SERBP1: variants seen among roughly 807,000 people sequenced by gnomAD.
SERBP1 encodes the protein SERPINE1 mRNA binding protein 1.
Under a neutral mutation model 50.2 loss-of-function variants are expected in SERBP1, and 6 were observed. The observed-to-expected ratio is 0.12, with a 90% CI of 0.07 to 0.24. SERBP1 has a LOEUF of 0.24. Among genes scored for constraint, SERBP1 ranks in the 10% least tolerant of loss-of-function variants. SERBP1 has a pLI of 1.00. For missense variants in SERBP1, 346 were observed against 524.9 expected (o/e 0.66, Z 3.33); for synonymous variants, 168 against 182.8 (o/e 0.92, Z 0.65).
chr1:67,415,200 C>T lies in SERBP1; in HGVS notation c.1091G>A (p.Gly364Asp). 1 of 1,606,384 alleles carries T rather than the reference C, an allele frequency of 6.2e-7. No homozygotes were observed. The highest frequency in any genetic ancestry group is 8.5e-7 in the Non-Finnish European group (1 of 1,177,366). Residue 364 changes from glycine (G) to aspartate (D), a missense_variant, in exon 7 of 8, where the codon GGT (glycine) becomes GAT (aspartate). Around this residue, in one of 5 missense-constraint regions of SERBP1, gnomAD observed 68 missense variants for 97.3 expected, o/e 0.70. Coordinates refer to ENST00000361219, the MANE Select transcript of SERBP1 (RefSeq NM_001018069.2). ...CCTGCTGCCACGGTTTGGGCGCCCACCACGCCCACGTCCACCTCGTCCTCC... is the reference window on the plus strand; with the variant it reads ...CCTGCTGCCACGGTTTGGGCGCCCATCACGCCCACGTCCACCTCGTCCTCC... ...GRGGRGGRGR[G>D]GRPNRGSRTD...
At chr1:67,425,979 G>T (rs755002871) in intron 2 of SERBP1, among the ~76,000 whole-genome samples, 156 bp downstream of exon 2, 3 of 152,172 alleles carry the variant, frequency 2.0e-5, no homozygotes, top group Admixed American at 6.5e-5. Context: ...CAGTGTGGTG[G>T]CGTGACCTTG....
At position 67,410,312 on chromosome 1, in the gene SERBP1, T is replaced by C. The variant is rs1277649124; in HGVS notation, c.*2895A>G. The C allele has an allele frequency of 6.6e-6, 1 of 152,190 alleles. No individual in the cohort carries two copies. Among genetic ancestry groups the C allele is most frequent in the East Asian group, 1.9e-4 (1 of 5,198 alleles). The allele number at this position is 152,190 out of a possible 1,614,324, so 9.4% of individuals were successfully genotyped here. The stretch of plus-strand genomic sequence containing the variant: ...CATTTAGGCTTTGTATGCAACTCCC[T>C]GTTCTATTTCAGTGCAACCATCTCT... On this transcript the variant is annotated 3_prime_UTR_variant, in exon 8 of 8. Transcript: ENST00000361219.
rs779849801 is a variant in SERBP1 at position 67,426,228 on chromosome 1, A to G, written c.371T>C (p.Ile124Thr). Residue 124 changes from isoleucine to threonine, a missense_variant, in exon 2 of 8, where the codon ATT (isoleucine) becomes ACT (threonine). Physicochemically the swap from Ile to Thr is moderately conservative, Grantham distance 89 (BLOSUM62 -1). Around this residue, in one of 5 missense-constraint regions of SERBP1, gnomAD observed 257 missense variants for 331.2 expected, o/e 0.78. Coordinates refer to ENST00000361219, the MANE Select transcript of SERBP1 (RefSeq NM_001018069.2). ...DQQLQGEGKIIDRRPERRPPR... is the reference protein window; with the variant it reads ...DQQLQGEGKITDRRPERRPPR... ...TGGTCGCCTTTCTGGTCTTCTATCA[A>G]TTATTTTCCCTTCACCCTGAAGTTG... 9.9e-6 allele frequency: 16 copies of G among 1,609,974 alleles called. No individual in the cohort carries two copies. The highest frequency in any genetic ancestry group is 1.7e-5 in the Admixed American group (1 of 59,236).
intron 1 of SERBP1, among the ~76,000 whole-genome samples, chr1:67,426,842 C>A (rs1274257001): frequency 2.0e-5 from 3 of 151,980 alleles, no homozygotes; most frequent in African/African-American, 7.3e-5. Flanking sequence ...ACTCATAATT[C>A]TATAAAATTA....
At position 67,409,523 on chromosome 1, in the gene SERBP1, T is replaced by C. The variant is rs769892546; in HGVS notation, c.*3684A>G. On this transcript the variant is annotated 3_prime_UTR_variant, in exon 8 of 8. Coordinates refer to ENST00000361219, the MANE Select transcript of SERBP1 (RefSeq NM_001018069.2). ...TTTCCAGTGTTCATATTTTCATCTG[T>C]GGCCAAAATCATGATGGCTTTAGCA... 2.0e-5 allele frequency: 3 copies of C among 152,048 alleles called. No homozygotes were observed. Among genetic ancestry groups the C allele is most frequent in the Non-Finnish European group, 4.4e-5 (3 of 68,010 alleles). 9.4% of individuals were successfully genotyped at this position (152,048 alleles called of 1,614,324 possible).
intron 1 of SERBP1, among the ~76,000 whole-genome samples, chr1:67,426,813 A>G (rs1570305912): frequency 6.8e-6 from 1 of 146,760 alleles, no homozygotes; most frequent in East Asian, 1.9e-4. Flanking sequence ...ATCTAATCTG[A>G]AAAAAAAATG....
chr1:67,407,824 C>G lies in SERBP1; in HGVS notation c.*5383G>C, dbSNP rs1666684497. On this transcript the variant is annotated 3_prime_UTR_variant, in exon 8 of 8. Transcript: ENST00000361219. ...AATATACAAAGTTCCCAAAATAAAA[C>G]AAAAATTTACTTGGACGTTATTCAT... The G allele has an allele frequency of 1.3e-5, 2 of 152,270 alleles. 1 individual carries two copies. Among genetic ancestry groups the G allele is most frequent in the South Asian group, 4.1e-4 (2 of 4,826 alleles). The allele number at this position is 152,270 out of a possible 1,614,324, so 9.4% of individuals were successfully genotyped here.
At position 67,410,392 on chromosome 1, in the gene SERBP1, T is replaced by C. The variant is rs893051537; in HGVS notation, c.*2815A>G. The stretch of plus-strand genomic sequence containing the variant: ...GAATACTTAATATCCTCCTTTTAAA[T>C]CCATACCAAAAACAAGCCCCAAATA... On this transcript the variant is annotated 3_prime_UTR_variant, in exon 8 of 8. Transcript: ENST00000361219. The C allele has an allele frequency of 6.6e-6, 1 of 151,918 alleles. No individual in the cohort carries two copies. The highest frequency in any genetic ancestry group is 1.5e-5 in the Non-Finnish European group (1 of 68,002). 9.4% of individuals were successfully genotyped at this position (151,918 alleles called of 1,614,324 possible).
chr1:67,414,662 C>T (rs2100412285), intron 7 of SERBP1, among the ~76,000 whole-genome samples: 1 of 152,296 alleles, frequency 6.6e-6, no homozygotes, highest in Non-Finnish European at 1.5e-5. Context: ...TGAATCCCAG[C>T]TCTCACAGAA....
chr1:67,429,934 C>T, intron 1 of SERBP1, 54 bp downstream of exon 1: 1 of 1,504,820 alleles, frequency 6.6e-7, no homozygotes, highest in South Asian at 1.3e-5. Context: ...AGCCGGCAGC[C>T]CCCTCGCTCC....
chr1:67,424,409 C>T (rs527912406), intron 4 of SERBP1, 132 bp from the exon 5 acceptor site: 8 of 1,157,726 alleles, frequency 6.9e-6, no homozygotes, highest in Non-Finnish European at 9.7e-6. Context: ...TAAGCTCTCA[C>T]ATTCTCTAAC....
chr1:67,413,346 C>T, intron 7 of SERBP1, 83 bp from the exon 8 acceptor site: 1 of 1,280,146 alleles, frequency 7.8e-7, no homozygotes, highest in Non-Finnish European at 1.1e-6. Context: ...TAAGACAGAA[C>T]TCTAAAAAAA....
chr1:67,415,456 C>G (rs1458748121), intron 6 of SERBP1, 117 bp from the exon 7 acceptor site: 2 of 1,002,126 alleles, frequency 2.0e-6, no homozygotes, highest in Non-Finnish European at 1.4e-6. Flanking sequence ...TTTCTGTGAA[C>G]AAATGTCTCA....
At position 67,411,367 on chromosome 1, in the gene SERBP1, C is replaced by G. The variant is rs1666835109; in HGVS notation, c.*1840G>C. ...TACATGTTTGGAAATGAGTTAGATA[C>G]TTGAAAAGTCTAAACACACTGATTT... On this transcript the variant is annotated 3_prime_UTR_variant, in exon 8 of 8. Transcript: ENST00000361219. 2 of 152,186 alleles carry G rather than the reference C, an allele frequency of 1.3e-5. No homozygotes were observed. The highest frequency in any genetic ancestry group is 1.3e-4 in the Admixed American group (2 of 15,280). The allele number at this position is 152,186 out of a possible 1,614,324, so 9.4% of individuals were successfully genotyped here.
In SERBP1 at chr1:67,409,886, A is replaced by G. The variant is rs544691625; in HGVS notation, c.*3321T>C. The G allele has an allele frequency of 6.6e-6, 1 of 152,228 alleles. No homozygotes were observed. Among genetic ancestry groups the G allele is most frequent in the Non-Finnish European group, 1.5e-5 (1 of 68,048 alleles). The allele number at this position is 152,228 out of a possible 1,614,324, so 9.4% of individuals were successfully genotyped here. On this transcript the variant is annotated 3_prime_UTR_variant, in exon 8 of 8. Coordinates refer to ENST00000361219, the MANE Select transcript of SERBP1 (RefSeq NM_001018069.2). ...CCTTGTTACCAGTTATGCCATACAA[A>G]GCACAGTAAATAATGAAGTTTCTGG...
rs1442468226 is a variant in SERBP1 at position 67,411,031 on chromosome 1, T to A, written c.*2176A>T. 1 of 152,194 alleles carries A rather than the reference T, an allele frequency of 6.6e-6. No homozygotes were observed. The highest frequency in any genetic ancestry group is 2.1e-4 in the South Asian group (1 of 4,836). The allele number at this position is 152,194 out of a possible 1,614,324, so 9.4% of individuals were successfully genotyped here. A position where few individuals can be genotyped will look rare whatever the true frequency, so the allele number is the denominator to read the frequency against. On this transcript the variant is annotated 3_prime_UTR_variant, in exon 8 of 8. Transcript: ENST00000361219. ...GACAATAAACATGATCCTATTTGAT[T>A]GTTTTTATGACTTTTAAGAAGTGAG...
chr1:67,413,319 T>C, intron 7 of SERBP1, 56 bp from the exon 8 acceptor site: 8 of 1,424,688 alleles, frequency 5.6e-6, no homozygotes, highest in South Asian at 1.3e-5. Context: ...AATTACATTG[T>C]TAGCTAGTGT....
chr1:67,422,751 G>A (rs1667240745), intron 5 of SERBP1, among the ~76,000 whole-genome samples: 2 of 151,946 alleles, frequency 1.3e-5, no homozygotes, highest in African/African-American at 4.8e-5. Context: ...CCTGAGGTCA[G>A]GAGTTCGAGA....
intron 2 of SERBP1, among the ~76,000 whole-genome samples, chr1:67,425,901 A>T (rs1667356651): frequency 6.6e-6 from 1 of 152,326 alleles, no homozygotes; most frequent in African/African-American, 2.4e-5. Context: ...GGACAGCTTG[A>T]GCACAGGAGC....
Sources: allele counts gnomAD v4.1 joint callset (sites outside exome capture counted in the v4.1 genomes callset), GRCh38; gene constraint gnomAD v4.1.1; regional missense constraint gnomAD v4.1.1; transcripts MANE v1.5; gene names NCBI Gene and HGNC (gene_info 2026-07-23, HGNC 2026-07-21).